The following LHX4 variants were observed in gnomAD, a reference collection of about 807,000 sequenced individuals.
LHX4 encodes LIM homeobox 4.
Under a neutral mutation model 39.2 loss-of-function variants are expected in LHX4, and 16 were observed. The ratio of observed to expected loss-of-function variants is 0.41; its 90% CI spans 0.28 to 0.62. The LOEUF (loss-of-function observed/expected upper bound fraction) is 0.62, where lower values mean the gene tolerates loss of function less well. Ranked by LOEUF, LHX4 falls within the 20% of genes least tolerant of loss-of-function variation. The pLI, the probability that LHX4 is intolerant of heterozygous loss-of-function variation, is 0.33. For missense variants in LHX4, 439 were observed against 511.9 expected, an observed-to-expected ratio of 0.86 and a Z score of 1.37; for synonymous variants, 206 against 198.1, an observed-to-expected ratio of 1.04 and a Z score of -0.33.
chr1:180,232,551 G>A lies in LHX4; in HGVS notation c.76+1946G>A, dbSNP rs937154099. On this transcript the variant is annotated intron_variant, in intron 1 of 5. Transcript: ENST00000263726. This position sits in a 1 kb window ranked among gnomAD's most constrained non-coding sequence, Gnocchi z 5.4. ...CACCCCCCCAGGGTGGCCCAGGGAG[G>A]CAATGTCTAATCTAGAGGGGGTGGT... 7.9e-5 allele frequency among the ~76,000 whole-genome samples: 12 copies of A among 152,178 alleles called. No individual in the cohort carries two copies. The highest frequency in any genetic ancestry group is 2.9e-4 in the African/African-American group (12 of 41,438).
chr1:180,234,539 C>T lies in LHX4; in HGVS notation c.76+3934C>T, dbSNP rs1055100347. ...TCCCAAGGGGCGAGAGGGCTCCGGC[C>T]TCCTCCTTTCCAGGGCCTTGTTATC... On this transcript the variant is annotated intron_variant, in intron 1 of 5. Coordinates refer to ENST00000263726, the MANE Select transcript of LHX4 (RefSeq NM_033343.4). This position sits in a 1 kb window ranked among gnomAD's most constrained non-coding sequence, Gnocchi z 4.8. Among the ~76,000 whole-genome samples, 1 of 152,200 alleles carries T rather than the reference C, an allele frequency of 6.6e-6. No individual in the cohort carries two copies. Among genetic ancestry groups the T allele is most frequent in the Non-Finnish European group, 1.5e-5 (1 of 68,020 alleles).
In LHX4 at chr1:180,234,169, T is replaced by TTATATACATATATATA. The variant is rs1664249170; in HGVS notation, c.76+3570_76+3571insCATATATATATATATA. On this transcript the variant is annotated intron_variant, in intron 1 of 5. Coordinates refer to ENST00000263726, the MANE Select transcript of LHX4 (RefSeq NM_033343.4). This position sits in a 1 kb window ranked among gnomAD's most constrained non-coding sequence, Gnocchi z 4.8. The stretch of plus-strand genomic sequence containing the variant: ...AACAGACACACACAACACACACAAA[T>TTATATACATATATATA]TATATATATATATATATATATATAT... Among the ~76,000 whole-genome samples the TTATATACATATATATA allele has an allele frequency of 1.9e-5, 1 of 53,610 alleles. No individual in the cohort carries two copies. The highest frequency in any genetic ancestry group is 3.5e-5 in the Non-Finnish European group (1 of 28,470). 35.2% of individuals were successfully genotyped at this position (53,610 alleles called of 152,430 possible).
At chr1:180,248,812 C>T (rs1647487178) in intron 2 of LHX4, 1 of 347,214 alleles carries the variant, frequency 2.9e-6, no homozygotes, top group South Asian at 2.4e-5. Flanking sequence ...TATATTGGTG[C>T]TTCAGGGCAT....
Position 180,271,898 on chromosome 1 carries a change from T to C in LHX4, c.670T>C (p.Trp224Arg), listed in dbSNP as rs1192585482. The part of the protein sequence containing the change: ...RLKKDAGRHR[W>R]GQFYKSVKRS... ...GAAGAAGGATGCAGGGCGGCACCGC[T>C]GGGGGCAGTTCTATAAGAGCGTCAA... Residue 224 changes from tryptophan to arginine, a missense_variant, in exon 5 of 6, where the codon TGG becomes CGG. Trp to Arg is a moderately radical substitution (Grantham distance 101). Transcript: ENST00000263726. 1 of 1,613,454 alleles carries C rather than the reference T, an allele frequency of 6.2e-7. No individual in the cohort carries two copies. Among genetic ancestry groups the C allele is most frequent in the Non-Finnish European group, 8.5e-7 (1 of 1,179,942 alleles).
chr1:180,229,960 G>GGAGGCGGGGGGGGC (rs1491258041), upstream of LHX4, among the ~76,000 whole-genome samples: 53 of 42,040 alleles, frequency 1.3e-3, 5 homozygotes, highest in Non-Finnish European at 2.0e-3. Context: ...AGGCGGAGGC[G>GGAGGCGGGGGGGGC]GGGAGGGGGG....
intron 1 of LHX4, among the ~76,000 whole-genome samples, chr1:180,244,746 C>T (rs1324705196): frequency 6.6e-6 from 1 of 152,236 alleles, no homozygotes; most frequent in Non-Finnish European, 1.5e-5. Flanking sequence ...AGGAGTTGGG[C>T]TAGCTCCCAG....
At chr1:180,256,756 G>A (rs1228256899) in intron 2 of LHX4, among the ~76,000 whole-genome samples, 2 of 152,180 alleles carry the variant, frequency 1.3e-5, no homozygotes, top group African/African-American at 4.8e-5. Flanking sequence ...CACCCCCGAT[G>A]CGTCTCCCGC....
At position 180,234,218 on chromosome 1, in the gene LHX4, T is replaced by TAC. The variant is rs1344265137; in HGVS notation, c.76+3614_76+3615insCA. ...ATATATATATATATATATATATATATATAATAGATTGAGATTCTATCATAT... is the reference window on the plus strand; with the variant it reads ...ATATATATATATATATATATATATATACATAATAGATTGAGATTCTATCATAT... On this transcript the variant is annotated intron_variant, in intron 1 of 5. Transcript: ENST00000263726. This position sits in a 1 kb window ranked among gnomAD's most constrained non-coding sequence, Gnocchi z 4.8. 1.4e-5 allele frequency among the ~76,000 whole-genome samples: 1 copy of TAC among 70,766 alleles called. No homozygotes were observed. The highest frequency in any genetic ancestry group is 7.7e-5 in the African/African-American group (1 of 13,052). The allele number at this position is 70,766 out of a possible 152,430, so 46.4% of individuals were successfully genotyped here. A position where few individuals can be genotyped will look rare whatever the true frequency, so the allele number is the denominator to read the frequency against.
intron 2 of LHX4, among the ~76,000 whole-genome samples, chr1:180,251,262 G>A (rs778533527): frequency 2.6e-5 from 4 of 152,232 alleles, no homozygotes; most frequent in African/African-American, 4.8e-5. Flanking sequence ...CGCCCACCAA[G>A]CAGGATGCTC....
Position 180,271,465 on chromosome 1 carries a change from C to T in LHX4, c.537C>T (p.Ser179=). 1 of 1,614,168 alleles carries T rather than the reference C, an allele frequency of 6.2e-7. No individual in the cohort carries two copies. The highest frequency in any genetic ancestry group is 8.5e-7 in the Non-Finnish European group (1 of 1,180,020). ...CATTAAAGAATGCATACAAGAACTC[C>T]CCCAAGCCTGCCCGGCACGTGAGGG... The part of the protein sequence containing the change: ...LETLKNAYKN[S]PKPARHVREQ... Residue 179 remains serine (S), a synonymous_variant, in exon 4 of 6, where the codon TCC becomes TCT. Transcript: ENST00000263726.
At chr1:180,230,239 C>A, upstream of LHX4, 1 of 461,428 alleles carries the variant, frequency 2.2e-6, no homozygotes, top group Non-Finnish European at 3.9e-6. This position sits in a 1 kb window ranked among gnomAD's most constrained non-coding sequence, Gnocchi z 5.8. Context: ...AAGGAGCGGG[C>A]GGGGGAGGGA....
intron 1 of LHX4, among the ~76,000 whole-genome samples, chr1:180,236,158 G>T (rs1365588883): frequency 6.9e-6 from 1 of 144,530 alleles, no homozygotes; most frequent in East Asian, 2.1e-4. Context: ...CTACAGGGCT[G>T]CAAATACCAG....
rs574777787 is a variant in LHX4 at position 180,238,627 on chromosome 1, G to T, written c.76+8022G>T. 2.6e-5 allele frequency among the ~76,000 whole-genome samples: 4 copies of T among 152,204 alleles called. No homozygotes were observed. The East Asian group carries it at 5.8e-4, about 22-fold the overall frequency. On this transcript the variant is annotated intron_variant, in intron 1 of 5. Transcript: ENST00000263726. ...GTGCCTTTTCTCTTTATGTTTTAAA[G>T]AATTAATGTTGGAATTTTGTGCTTT...
At chr1:180,252,975 T>C (rs1647692693) in intron 2 of LHX4, among the ~76,000 whole-genome samples, 1 of 114,298 alleles carries the variant, frequency 8.7e-6, no homozygotes, top group Admixed American at 8.3e-5. Flanking sequence ...CTTGTGTCCT[T>C]GGCTCTCCTT....
chr1:180,271,987 CAGTG>C lies in LHX4; in HGVS notation c.762_765del (p.Glu255Ter). 1 of 1,612,698 alleles carries C rather than the reference CAGTG, an allele frequency of 6.2e-7. No individual in the cohort carries two copies. Among genetic ancestry groups the C allele is most frequent in the Non-Finnish European group, 8.5e-7 (1 of 1,179,686 alleles). On this transcript the variant is annotated frameshift_variant, in exon 5 of 6. Transcript: ENST00000263726. LOFTEE classifies it high-confidence loss of function. ...CTGCAGAGGACTGTGGGGTTAGTGACAGTGAGCTGAGCTTCCGAGGTGAGCAGGG... is the reference window on the plus strand; with the variant it reads ...CTGCAGAGGACTGTGGGGTTAGTGACAGCTGAGCTTCCGAGGTGAGCAGGG...
In LHX4 at chr1:180,230,474, A is replaced by T; in HGVS notation, c.-56A>T. 1.4e-6 allele frequency: 2 copies of T among 1,406,792 alleles called. No homozygotes were observed. The highest frequency in any genetic ancestry group is 2.0e-6 in the Non-Finnish European group (2 of 994,358). The allele number at this position is 1,406,792 out of a possible 1,614,324, so 87.1% of individuals were successfully genotyped here. A position where few individuals can be genotyped will look rare whatever the true frequency, so the allele number is the denominator to read the frequency against. On this transcript the variant is annotated 5_prime_UTR_variant, in exon 1 of 6. It introduces an in-frame stop codon into an upstream open reading frame of the 5' UTR. Transcript: ENST00000263726. The surrounding 1 kb of genome is among the most constrained non-coding windows in gnomAD (Gnocchi z 5.8). Reference sequence around the variant, plus strand: ...TATTTTGAAATTTCTGAATCGAGCTAGAGCGAGAGAGCGAGAGATCTCCGT... The same window carrying T: ...TATTTTGAAATTTCTGAATCGAGCTTGAGCGAGAGAGCGAGAGATCTCCGT...
rs925969315 is a variant in LHX4 at position 180,269,827 on chromosome 1, G to T, written c.452-1553G>T. On this transcript the variant is annotated intron_variant, in intron 3 of 5. Transcript: ENST00000263726. ...GAAGGCATTTTGGAGGTTCCCCTTT[G>T]TCTTTTGGAATGACTCTCTAAGTAG... 4.2e-4 allele frequency: 64 copies of T among 152,204 alleles called. 3 individuals are homozygous for T. Among genetic ancestry groups the T allele is most frequent in the Non-Finnish European group, 4.4e-5 (3 of 68,056 alleles). 9.4% of individuals were successfully genotyped at this position (152,204 alleles called of 1,614,324 possible). A position where few individuals can be genotyped will look rare whatever the true frequency, so the allele number is the denominator to read the frequency against.
chr1:180,256,527 C>CA (rs1280910575), intron 2 of LHX4, among the ~76,000 whole-genome samples: 1 of 152,212 alleles, frequency 6.6e-6, no homozygotes, highest in African/African-American at 2.4e-5. Context: ...GGGTGTCTGC[C>CA]ATGCGCCGTC....
At chr1:180,249,820 G>A (rs1647529758) in intron 2 of LHX4, among the ~76,000 whole-genome samples, 1 of 152,162 alleles carries the variant, frequency 6.6e-6, no homozygotes, top group South Asian at 2.1e-4. Context: ...TGCAGAGGGT[G>A]CACTCACTGT....
Sources: allele counts gnomAD v4.1 joint callset (sites outside exome capture counted in the v4.1 genomes callset), GRCh38; gene constraint gnomAD v4.1.1; non-coding constraint Gnocchi (gnomAD v3.1); transcripts MANE v1.5; gene names NCBI Gene and HGNC (gene_info 2026-07-23, HGNC 2026-07-21).